Variants in SHC3 observed in about 807,000 individuals in gnomAD.
The protein encoded by SHC3 is SHC adaptor protein 3.
A neutral mutation model predicts 60.4 loss-of-function variants in SHC3; 15 were observed. The observed-to-expected ratio is 0.25, with a 90% confidence interval of 0.17 to 0.38. The LOEUF is 0.38. Among genes scored for constraint, SHC3 ranks in the 10% least tolerant of loss-of-function variants. The pLI is 1.00. For synonymous variants in SHC3, 294 were observed against 325.9 expected, an observed-to-expected ratio of 0.90 and a Z score of 1.05; for missense variants, 677 against 786.1, an observed-to-expected ratio of 0.86 and a Z score of 1.66.
intron 2 of SHC3, among the ~76,000 whole-genome samples, chr9:89,099,919 C>T (rs755543831): frequency 2.0e-5 from 3 of 152,154 alleles, no homozygotes; most frequent in Non-Finnish European, 2.9e-5. Context: ...AAAATGAATA[C>T]ATTTTGATTC....
chr9:89,054,711 C>G (rs1488140129), intron 6 of SHC3, among the ~76,000 whole-genome samples: 1 of 152,184 alleles, frequency 6.6e-6, no homozygotes, highest in African/African-American at 2.4e-5. Context: ...TGCACAGAAT[C>G]GAGATTCCAA....
In SHC3 at chr9:89,038,048, G is replaced by A. The variant is rs1317007055; in HGVS notation, c.1601C>T (p.Thr534Met). The change falls in exon 11 of 12, where the codon ACG (threonine) becomes ATG (methionine). Residue 534 changes from threonine to methionine, a missense_variant. Thr to Met is a moderately conservative substitution (Grantham distance 81). Transcript: ENST00000375835. ...CTTGGCCTGGCCATTGTGCATGCCC[G>A]TGAGGACAAAGGAGCCCGGGTTGGT... ...STTNPGSFVL[T>M]GMHNGQAKHL... The A allele has an allele frequency of 1.2e-5, 20 of 1,613,578 alleles. No homozygotes were observed. The highest frequency in any genetic ancestry group is 2.2e-5 in the South Asian group (2 of 91,084).
Position 89,113,750 on chromosome 9 carries a change from A to T in SHC3, c.475-1124T>A, listed in dbSNP as rs12347919. ...GTTATATGACTACCACAAAAACATC[A>T]TCATGGAATTACTTGAATACCTCAA... is the stretch of plus-strand genomic sequence containing the variant. On this transcript the variant is annotated intron_variant, in intron 1 of 11. Coordinates refer to ENST00000375835, the MANE Select transcript of SHC3 (RefSeq NM_016848.6). Among the ~76,000 whole-genome samples the T allele has an allele frequency of 3.9e-5, 6 of 152,312 alleles. No individual in the cohort carries two copies. In the South Asian group the frequency reaches 1.0e-3, roughly 26 times the overall value.
chr9:89,046,327 AT>A (rs1260371059), intron 8 of SHC3, among the ~76,000 whole-genome samples: 1 of 152,130 alleles, frequency 6.6e-6, no homozygotes, highest in Non-Finnish European at 1.5e-5. Flanking sequence ...TGTCATTATC[AT>A]TCACATAAGG....
chr9:89,121,338 T>A (rs1826089354), intron 1 of SHC3, among the ~76,000 whole-genome samples: 1 of 152,140 alleles, frequency 6.6e-6, no homozygotes, highest in South Asian at 2.1e-4. Flanking sequence ...TTGCCCAGGC[T>A]GGAGTGCAAT....
At chr9:89,014,798 C>T (rs1029965999) in intron 11 of SHC3, among the ~76,000 whole-genome samples, 2 of 152,320 alleles carry the variant, frequency 1.3e-5, no homozygotes, top group Non-Finnish European at 2.9e-5. Context: ...TTTCAACCCC[C>T]ATCCTGCTCC....
chr9:89,173,023 A>C (rs1391189980), intron 1 of SHC3, among the ~76,000 whole-genome samples: 1 of 152,186 alleles, frequency 6.6e-6, no homozygotes, highest in African/African-American at 2.4e-5. Context: ...GCTGGTGCAA[A>C]AAACAATACA....
intron 11 of SHC3, among the ~76,000 whole-genome samples, chr9:89,022,105 T>G (rs576204498): frequency 6.6e-6 from 1 of 152,076 alleles, no homozygotes; most frequent in Non-Finnish European, 1.5e-5. Context: ...CTCAGTTCAT[T>G]TTGCTGAGCA....
At chr9:89,144,907 G>A (rs1587751929) in intron 1 of SHC3, among the ~76,000 whole-genome samples, 1 of 152,082 alleles carries the variant, frequency 6.6e-6, no homozygotes, top group East Asian at 1.9e-4. Flanking sequence ...CAGGGCTGGC[G>A]AGGATATATC....
At chr9:89,080,566 A>G (rs1825427751) in intron 2 of SHC3, among the ~76,000 whole-genome samples, 1 of 152,122 alleles carries the variant, frequency 6.6e-6, no homozygotes, top group Non-Finnish European at 1.5e-5. Context: ...GCACATCAGT[A>G]GAGAAAGAGA....
intron 2 of SHC3, among the ~76,000 whole-genome samples, chr9:89,106,021 G>C (rs542100945): frequency 6.6e-6 from 1 of 152,268 alleles, no homozygotes; most frequent in African/African-American, 2.4e-5. Flanking sequence ...TATGTGCCAG[G>C]TGCAGCCACA....
chr9:89,077,195 A>AC (rs1182222651), intron 3 of SHC3, among the ~76,000 whole-genome samples: 26 of 151,582 alleles, frequency 1.7e-4, no homozygotes, highest in African/African-American at 6.3e-4. Context: ...AAAAAAAAAA[A>AC]CAAAAAAAAA....
At chr9:89,172,023 C>T (rs907465750) in intron 1 of SHC3, among the ~76,000 whole-genome samples, 5 of 152,190 alleles carry the variant, frequency 3.3e-5, no homozygotes, top group Admixed American at 6.5e-5. Context: ...AAGAGCAGTG[C>T]CTCTTCCAGT....
intron 2 of SHC3, among the ~76,000 whole-genome samples, chr9:89,106,912 G>T (rs1033320529): frequency 6.6e-6 from 1 of 152,026 alleles, no homozygotes; most frequent in Non-Finnish European, 1.5e-5. Flanking sequence ...CACGAAAATA[G>T]AGCAGAATGA....
intron 1 of SHC3, among the ~76,000 whole-genome samples, chr9:89,132,225 G>A (rs1222771144): frequency 6.6e-6 from 1 of 152,144 alleles, no homozygotes; most frequent in African/African-American, 2.4e-5. Flanking sequence ...CCTCTTCAAG[G>A]AGAACTACAA....
intron 2 of SHC3, among the ~76,000 whole-genome samples, chr9:89,084,442 T>C (rs1045990939): frequency 1.3e-5 from 2 of 152,158 alleles, no homozygotes; most frequent in South Asian, 2.1e-4. Context: ...AAGTGAAAGA[T>C]AAGCTCTTGG....
At chr9:89,177,540 C>G (rs1194577003) in intron 1 of SHC3, among the ~76,000 whole-genome samples, 1 of 152,232 alleles carries the variant, frequency 6.6e-6, no homozygotes, top group Non-Finnish European at 1.5e-5. Flanking sequence ...AAGATACCCA[C>G]CCTCCCGCCG....
intron 6 of SHC3, among the ~76,000 whole-genome samples, chr9:89,053,969 G>A (rs975382766): frequency 1.3e-5 from 2 of 152,220 alleles, no homozygotes; most frequent in African/African-American, 2.4e-5. Context: ...CCAGCCAACA[G>A]GACTGGTTGG....
At position 89,032,708 on chromosome 9, in the gene SHC3, G is replaced by A. The variant is rs188364958; in HGVS notation, c.1656+5285C>T. On this transcript the variant is annotated intron_variant, in intron 11 of 11. Coordinates refer to ENST00000375835, the MANE Select transcript of SHC3 (RefSeq NM_016848.6). Reference sequence around the variant, plus strand: ...TCACCACGTTTCCAGTGATCTCAGTGGACGGTGGGAAGGCACAAAGGTTAG... The same window carrying A: ...TCACCACGTTTCCAGTGATCTCAGTAGACGGTGGGAAGGCACAAAGGTTAG... Among the ~76,000 whole-genome samples the A allele has an allele frequency of 2.0e-5, 3 of 152,216 alleles. No individual in the cohort carries two copies. The East Asian group carries it at 5.8e-4, about 29-fold the overall frequency.
Sources: gnomAD v4.1 joint callset for allele counts (sites outside exome capture counted in the v4.1 genomes callset) on GRCh38, gnomAD v4.1.1 for gene constraint, MANE v1.5 for transcripts, NCBI Gene and HGNC (gene_info 2026-07-23, HGNC 2026-07-21) for gene names.